TSHZ2: variants seen among roughly 807,000 people sequenced by gnomAD.
TSHZ2 encodes teashirt zinc finger homeobox 2.
In TSHZ2, 21 loss-of-function variants were observed where a neutral mutation model predicts 74.4. The ratio of observed to expected loss-of-function variants is 0.28; its 90% confidence interval spans 0.20 to 0.41. TSHZ2 has a LOEUF of 0.41. Ranked by LOEUF, TSHZ2 falls within the 10% of genes least tolerant of loss-of-function variation. TSHZ2 has a pLI of 1.00. For synonymous variants in TSHZ2, 540 were observed against 515.3 expected (o/e 1.05, Z -0.65); for missense variants, 1,244 against 1,293.5 (o/e 0.96, Z 0.59).
Position 53,489,389 on chromosome 20 carries a change from G to GA in TSHZ2, c.*2257dup, listed in dbSNP as rs1370618483. The GA allele has an allele frequency of 2.9e-6, 1 of 340,986 alleles. No homozygotes were observed. Among genetic ancestry groups the GA allele is most frequent in the Non-Finnish European group, 5.8e-6 (1 of 172,922 alleles). The allele number at this position is 340,986 out of a possible 1,614,324, so 21.1% of individuals were successfully genotyped here. ...CTACTGAGCACCGTCCTTCAACAAG[G>GA]AAATTCTATTAAAGGAAAATCAATG... On this transcript the variant is annotated 3_prime_UTR_variant, in exon 3 of 3. Coordinates refer to ENST00000371497, the MANE Select transcript of TSHZ2 (RefSeq NM_173485.6).
At chr20:53,051,777 C>T (rs1250378119) in intron 1 of TSHZ2, among the ~76,000 whole-genome samples, 2 of 152,128 alleles carry the variant, frequency 1.3e-5, no homozygotes, top group Non-Finnish European at 2.9e-5. Context: ...ACACGAGTCT[C>T]CGTTTATGTT....
intron 1 of TSHZ2, among the ~76,000 whole-genome samples, chr20:53,241,479 A>T (rs1269744127): frequency 1.3e-5 from 2 of 152,182 alleles, no homozygotes; most frequent in African/African-American, 4.8e-5. Flanking sequence ...TTCTTGTAAT[A>T]TAAAAATACT....
intron 1 of TSHZ2, among the ~76,000 whole-genome samples, chr20:53,181,060 T>A (rs963977027): frequency 2.0e-5 from 3 of 152,182 alleles, no homozygotes; most frequent in African/African-American, 7.2e-5. Context: ...CTTTTTCACA[T>A]GTTCCTCCTT....
intron 1 of TSHZ2, among the ~76,000 whole-genome samples, chr20:53,062,196 G>A (rs1363594556): frequency 1.3e-5 from 2 of 152,138 alleles, no homozygotes; most frequent in Non-Finnish European, 1.5e-5. Flanking sequence ...CATCTCATCT[G>A]TAAAATGGAA....
intron 2 of TSHZ2, among the ~76,000 whole-genome samples, chr20:53,320,882 TGAA>T (rs1170491592): frequency 6.6e-6 from 1 of 152,206 alleles, no homozygotes; most frequent in African/African-American, 2.4e-5. Flanking sequence ...CTCTGAGTGA[TGAA>T]GACATCGTTC....
chr20:53,228,553 G>A (rs1367228710), intron 1 of TSHZ2, among the ~76,000 whole-genome samples: 2 of 152,166 alleles, frequency 1.3e-5, no homozygotes, highest in African/African-American at 4.8e-5. Context: ...GGCATTTTGG[G>A]AGGCTTAGCA....
intron 2 of TSHZ2, among the ~76,000 whole-genome samples, chr20:53,273,700 G>A (rs1388380839): frequency 2.0e-5 from 3 of 152,160 alleles, no homozygotes; most frequent in African/African-American, 7.2e-5. Flanking sequence ...GGAACAGATG[G>A]CCTTGGTTGG....
chr20:53,084,755 C>T (rs1382911380), intron 1 of TSHZ2, among the ~76,000 whole-genome samples: 1 of 143,508 alleles, frequency 7.0e-6, no homozygotes, highest in Non-Finnish European at 1.5e-5. Flanking sequence ...TGGTTAAGCA[C>T]CTATTCTGTA....
intron 2 of TSHZ2, among the ~76,000 whole-genome samples, chr20:53,446,276 GC>G (rs1260500831): frequency 6.6e-5 from 10 of 151,992 alleles, no homozygotes; most frequent in African/African-American, 2.2e-4. Flanking sequence ...TAGAAGGTCA[GC>G]TTTTGGCCAG....
rs536402812 is a variant in TSHZ2, at chr20:53,423,698, C to T, written c.*9-63446C>T. ...AGAACTTGCACATGTCACCTCATTCCGCCCATGCAGCGTTACTGAAAAATG... is the reference window on the plus strand; with the variant it reads ...AGAACTTGCACATGTCACCTCATTCTGCCCATGCAGCGTTACTGAAAAATG... On this transcript the variant is annotated intron_variant, in intron 2 of 2. Transcript: ENST00000371497. Among the ~76,000 whole-genome samples the T allele has an allele frequency of 7.9e-5, 12 of 152,280 alleles. No individual in the cohort carries two copies. In the South Asian group the frequency reaches 8.3e-4, roughly 11 times the overall value.
At chr20:53,083,977 G>T in intron 1 of TSHZ2, among the ~76,000 whole-genome samples, 1 of 151,284 alleles carries the variant, frequency 6.6e-6, no homozygotes, top group African/African-American at 2.4e-5. Flanking sequence ...TATTGTTTAA[G>T]TTTCTCTGAT....
At chr20:53,400,700 A>G (rs468211) in intron 2 of TSHZ2, among the ~76,000 whole-genome samples, 92,165 of 152,020 alleles carry the variant, frequency 0.61, 32,670 homozygotes, top group South Asian at 0.79. Flanking sequence ...CACCCTAATG[A>G]ATACTCTCAG....
At chr20:53,108,714 C>T (rs535434358) in intron 1 of TSHZ2, among the ~76,000 whole-genome samples, 1 of 152,294 alleles carries the variant, frequency 6.6e-6, no homozygotes, top group East Asian at 1.9e-4. Context: ...AATCTCTCCT[C>T]AATATCCAAG....
At chr20:53,206,561 C>G (rs1989173598) in intron 1 of TSHZ2, 1 of 152,382 alleles carries the variant, frequency 6.6e-6, no homozygotes, top group Non-Finnish European at 1.5e-5. Flanking sequence ...GGCTTTGCAT[C>G]TGGGTCTTTC....
rs1405992716 is a variant in TSHZ2 at position 53,423,247 on chromosome 20, A to G, written c.*9-63897A>G. ...AACCCCGTCTCTACTAAAAAATATG[A>G]AAATTAGCCATGTATGGTGTTGGCT... On this transcript the variant is annotated intron_variant, in intron 2 of 2. Coordinates refer to ENST00000371497, the MANE Select transcript of TSHZ2 (RefSeq NM_173485.6). Among the ~76,000 whole-genome samples, 3 of 152,266 alleles carry G rather than the reference A, an allele frequency of 2.0e-5. No individual in the cohort carries two copies. The South Asian group carries it at 6.2e-4, about 32-fold the overall frequency.
intron 1 of TSHZ2, among the ~76,000 whole-genome samples, chr20:53,160,633 G>T (rs1231916908): frequency 6.6e-6 from 1 of 151,644 alleles, no homozygotes; most frequent in African/African-American, 2.4e-5. Context: ...ACTTGGCATG[G>T]TGGTGCACAC....
At chr20:53,478,818 T>G (rs1441060757) in intron 2 of TSHZ2, among the ~76,000 whole-genome samples, 13 of 151,930 alleles carry the variant, frequency 8.6e-5, no homozygotes, top group Non-Finnish European at 1.5e-4. Flanking sequence ...GAAATAAAAT[T>G]TCTAGATCGG....
chr20:53,229,284 C>T (rs193280268), intron 1 of TSHZ2, among the ~76,000 whole-genome samples: 169 of 151,802 alleles, frequency 1.1e-3, no homozygotes, highest in African/African-American at 3.9e-3. Context: ...TCACCTTTGC[C>T]CTGGGTCAGT....
intron 2 of TSHZ2, among the ~76,000 whole-genome samples, chr20:53,345,435 C>G (rs1018265957): frequency 3.3e-5 from 5 of 152,076 alleles, no homozygotes; most frequent in African/African-American, 1.2e-4. Flanking sequence ...CCCCGTCCCC[C>G]AGTGTAGACC....
Sources: allele counts gnomAD v4.1 joint callset (sites outside exome capture counted in the v4.1 genomes callset), GRCh38; gene constraint gnomAD v4.1.1; transcripts MANE v1.5; gene names NCBI Gene and HGNC (gene_info 2026-07-23, HGNC 2026-07-21).